MAGI2: variants seen among roughly 807,000 people sequenced by gnomAD.
MAGI2 encodes the protein membrane-associated guanylate kinase, WW and PDZ domain-containing protein 2.
In MAGI2, 35 loss-of-function variants were observed where a neutral mutation model predicts 133.3. The observed-to-expected ratio is 0.26, with a 90% CI of 0.20 to 0.35. MAGI2 has a LOEUF of 0.35. Among genes scored for constraint, MAGI2 ranks in the 10% least tolerant of loss-of-function variants. The pLI is 1.00. For missense variants in MAGI2, 1,636 were observed against 1,863.4 expected (o/e 0.88, Z 2.25); for synonymous variants, 729 against 710.6 (o/e 1.03, Z -0.41).
At chr7:78,067,149 G>A (rs890429652) in intron 21 of MAGI2, among the ~76,000 whole-genome samples, 2 of 152,184 alleles carry the variant, frequency 1.3e-5, no homozygotes, top group Admixed American at 1.3e-4. Context: ...TAAATTTCAC[G>A]ATTTATTAAT....
chr7:78,660,313 T>C (rs924351670), intron 2 of MAGI2, among the ~76,000 whole-genome samples: 3 of 152,194 alleles, frequency 2.0e-5, no homozygotes, highest in African/African-American at 4.8e-5. Context: ...TTTTCATTTG[T>C]GGCAAGTATA....
intron 6 of MAGI2, among the ~76,000 whole-genome samples, chr7:78,409,460 C>T (rs750816362): frequency 2.6e-5 from 4 of 151,986 alleles, no homozygotes; most frequent in Non-Finnish European, 5.9e-5. Context: ...CACTGTACTT[C>T]AGGGGCATCA....
At chr7:79,405,224 C>T (rs1845724968) in intron 1 of MAGI2, among the ~76,000 whole-genome samples, 1 of 152,134 alleles carries the variant, frequency 6.6e-6, no homozygotes, top group African/African-American at 2.4e-5. Flanking sequence ...TTTAAACTTA[C>T]AATATCCTTA....
At chr7:78,168,708 G>A (rs1825844575) in intron 14 of MAGI2, among the ~76,000 whole-genome samples, 1 of 152,218 alleles carries the variant, frequency 6.6e-6, no homozygotes, top group African/African-American at 2.4e-5. Context: ...TAACTCATGT[G>A]AAGCATTTAA....
At chr7:78,219,074 G>A (rs969764068) in intron 10 of MAGI2, among the ~76,000 whole-genome samples, 3 of 152,170 alleles carry the variant, frequency 2.0e-5, no homozygotes, top group Non-Finnish European at 4.4e-5. Context: ...GATTAATGAT[G>A]ACTAATGTTT....
chr7:78,425,566 C>G (rs959534534), intron 6 of MAGI2, among the ~76,000 whole-genome samples: 3 of 152,132 alleles, frequency 2.0e-5, no homozygotes, highest in African/African-American at 7.2e-5. Context: ...AAAGATTGGT[C>G]TGCTGATATA....
intron 6 of MAGI2, among the ~76,000 whole-genome samples, chr7:78,382,514 A>G (rs1314129181): frequency 6.6e-6 from 1 of 152,140 alleles, no homozygotes; most frequent in Non-Finnish European, 1.5e-5. Context: ...AGGTAAAAGC[A>G]TTAAAAACTC....
At chr7:79,230,489 T>A (rs1365210776) in intron 1 of MAGI2, among the ~76,000 whole-genome samples, 1 of 151,846 alleles carries the variant, frequency 6.6e-6, no homozygotes, top group African/African-American at 2.4e-5. Context: ...CCATTCTAAC[T>A]GGTGTGAGAT....
At chr7:78,057,290 T>A (rs1812682413) in intron 21 of MAGI2, among the ~76,000 whole-genome samples, 2 of 152,132 alleles carry the variant, frequency 1.3e-5, no homozygotes, top group Admixed American at 1.3e-4. Flanking sequence ...TTGCCCAGGT[T>A]GGAGTGCAAT....
chr7:79,369,924 A>G (rs1213765594), intron 1 of MAGI2, among the ~76,000 whole-genome samples: 3 of 152,148 alleles, frequency 2.0e-5, no homozygotes, highest in Non-Finnish European at 4.4e-5. Context: ...GGCAAATTCT[A>G]TAGTAAATTT....
intron 1 of MAGI2, among the ~76,000 whole-genome samples, chr7:79,330,646 A>C (rs1219431699): frequency 6.6e-6 from 1 of 151,498 alleles, no homozygotes; most frequent in Non-Finnish European, 1.5e-5. Context: ...TTTACATTAC[A>C]CTCTTTATTT....
chr7:78,534,645 T>C (rs1472879909), intron 3 of MAGI2, among the ~76,000 whole-genome samples: 2 of 152,176 alleles, frequency 1.3e-5, no homozygotes, highest in African/African-American at 4.8e-5. Context: ...CAGTTTGAAA[T>C]GAAGTTTTGT....
intron 21 of MAGI2, among the ~76,000 whole-genome samples, chr7:78,024,209 C>T (rs1808691894): frequency 6.6e-6 from 1 of 152,204 alleles, no homozygotes; most frequent in African/African-American, 2.4e-5. Context: ...ATTTACTTTG[C>T]AGATTCCTCT....
chr7:78,500,179 T>C (rs1309027695), intron 5 of MAGI2, among the ~76,000 whole-genome samples: 1 of 152,166 alleles, frequency 6.6e-6, no homozygotes, highest in Non-Finnish European at 1.5e-5. Context: ...TGATTCAGAG[T>C]TTCCAACTTC....
chr7:78,967,217 C>T (rs1335444392), intron 2 of MAGI2, among the ~76,000 whole-genome samples: 4 of 152,018 alleles, frequency 2.6e-5, no homozygotes, highest in Admixed American at 6.6e-5. Flanking sequence ...GCTAGAATTA[C>T]GGGTGTGAGT....
chr7:78,099,304 T>C (rs186353774), intron 20 of MAGI2, among the ~76,000 whole-genome samples: 1 of 152,312 alleles, frequency 6.6e-6, no homozygotes, highest in East Asian at 1.9e-4. Flanking sequence ...CATTTGACAT[T>C]TTCTTTAATG....
At chr7:79,028,306 T>C (rs1428405501) in intron 1 of MAGI2, among the ~76,000 whole-genome samples, 1,233 of 81,902 alleles carry the variant, frequency 0.015, 19 homozygotes, top group Middle Eastern at 0.027. Context: ...TGTATATATA[T>C]ATATATACAC....
chr7:78,398,022 G>C (rs1796516168), intron 6 of MAGI2, among the ~76,000 whole-genome samples: 1 of 151,956 alleles, frequency 6.6e-6, no homozygotes, highest in Non-Finnish European at 1.5e-5. Flanking sequence ...GATCAAAGAG[G>C]AAAAAAGGGA....
At chr7:79,290,339 AT>A (rs1426028459) in intron 1 of MAGI2, among the ~76,000 whole-genome samples, 1 of 101,588 alleles carries the variant, frequency 9.8e-6, no homozygotes, top group Non-Finnish European at 2.4e-5. Flanking sequence ...GATTAATACA[AT>A]TGTGGATATA....
Sources: allele counts gnomAD v4.1 joint callset (sites outside exome capture counted in the v4.1 genomes callset), GRCh38; gene constraint gnomAD v4.1.1; transcripts MANE v1.5; gene names NCBI Gene and HGNC (gene_info 2026-07-23, HGNC 2026-07-21).